Variants in MTMR3 observed in about 807,000 individuals in gnomAD.
The protein encoded by MTMR3 is myotubularin related protein 3, also known as phosphatidylinositol-3,5-bisphosphate 3-phosphatase MTMR3.
MTMR3 carries 32 observed loss-of-function variants against 132.4 expected under a neutral mutation model. The ratio of observed to expected loss-of-function variants is 0.24; its 90% CI spans 0.18 to 0.32. The LOEUF is 0.32. MTMR3 is among the 10% of genes least tolerant of loss of function. The pLI is 1.00. For missense variants in MTMR3, 1,216 were observed against 1,489.6 expected (o/e 0.82, Z 3.02); for synonymous variants, 556 against 550.3 (o/e 1.01, Z -0.14).
At chr22:30,003,157 A>T in intron 9 of MTMR3, 164 bp downstream of exon 9, 1 of 571,806 alleles carries the variant, frequency 1.7e-6, no homozygotes, top group Non-Finnish European at 3.1e-6. Flanking sequence ...CCAGTAACAC[A>T]TCAGTACTGA....
chr22:29,938,301 C>T (rs1470696539), intron 1 of MTMR3, among the ~76,000 whole-genome samples: 1 of 152,206 alleles, frequency 6.6e-6, no homozygotes, highest in East Asian at 1.9e-4. Context: ...TTGGTACAAC[C>T]TTCTCTTGAG....
chr22:29,965,663 C>T (rs536983503), intron 2 of MTMR3, among the ~76,000 whole-genome samples: 7 of 152,172 alleles, frequency 4.6e-5, no homozygotes, highest in South Asian at 2.1e-4. Flanking sequence ...CCAGCCTGAG[C>T]GATAGAGCGA....
At chr22:30,025,530 C>T (rs960101761) in intron 19 of MTMR3, 100 bp from the exon 20 acceptor site, 13 of 1,263,128 alleles carry the variant, frequency 1.0e-5, no homozygotes, top group Non-Finnish European at 1.5e-5. Context: ...AGCTCCAGCA[C>T]ATGCAAATTA....
At chr22:29,904,042 G>A (rs79407995) in intron 1 of MTMR3, among the ~76,000 whole-genome samples, 3 of 152,262 alleles carry the variant, frequency 2.0e-5, no homozygotes, top group African/African-American at 7.2e-5. Flanking sequence ...CAGGTTAACC[G>A]TTGGTCTTCT....
At chr22:30,021,796 G>A (rs1409580420) in intron 17 of MTMR3, 1 of 490,242 alleles carries the variant, frequency 2.0e-6, no homozygotes, top group Non-Finnish European at 3.6e-6. Context: ...CTGAGGGCCT[G>A]TTTTTCTACT....
intron 1 of MTMR3, among the ~76,000 whole-genome samples, chr22:29,922,767 C>T (rs996635045): frequency 6.6e-6 from 1 of 151,920 alleles, no homozygotes; most frequent in Non-Finnish European, 1.5e-5. Context: ...TACATTCCTA[C>T]CAGCAATGCA....
chr22:29,964,783 A>G (rs752176642), intron 2 of MTMR3, among the ~76,000 whole-genome samples: 16 of 152,194 alleles, frequency 1.1e-4, no homozygotes, highest in Non-Finnish European at 2.1e-4. Flanking sequence ...TGATCTTAAA[A>G]TCAAATCACG....
chr22:29,935,714 A>C (rs1194660498), intron 1 of MTMR3, among the ~76,000 whole-genome samples: 2 of 149,092 alleles, frequency 1.3e-5, no homozygotes, highest in Non-Finnish European at 3.0e-5. Flanking sequence ...TTACTGTCTG[A>C]TTGAATGATC....
At chr22:29,920,213 C>CA (rs11404982) in intron 1 of MTMR3, among the ~76,000 whole-genome samples, 51,193 of 131,910 alleles carry the variant, frequency 0.39, 9,617 homozygotes, top group East Asian at 0.72. Context: ...GACTCTGTCT[C>CA]AAAAAAAAAA....
In MTMR3 at chr22:30,020,337, C is replaced by A. The variant is rs2067712888; in HGVS notation, c.2678C>A (p.Pro893His). ...TCAGAGACAAGCCTGGTCGAGAGGC[C>A]CCAAGTGGGGTCTGTGGTGCATAGG... ...SPSETSLVER[P>H]QVGSVVHRTS... Residue 893 changes from proline to histidine, a missense_variant, in exon 17 of 20, where the codon CCC becomes CAC. Physicochemically the swap from Pro to His is moderately conservative, Grantham distance 77. Transcript: ENST00000401950. The A allele has an allele frequency of 1.9e-5, 31 of 1,614,180 alleles. No homozygotes were observed. The highest frequency in any genetic ancestry group is 2.6e-5 in the Non-Finnish European group (31 of 1,180,036).
intron 19 of MTMR3, chr22:30,023,197 C>T: frequency 1.9e-6 from 1 of 520,514 alleles, no homozygotes; most frequent in Non-Finnish European, 3.5e-6. Flanking sequence ...CTTTTTCCTT[C>T]TGGGTTAGGG....
Position 29,991,572 on chromosome 22 carries a change from C to T in MTMR3, c.362C>T (p.Pro121Leu), listed in dbSNP as rs775041433. 1 of 1,614,116 alleles carries T rather than the reference C, an allele frequency of 6.2e-7. No individual in the cohort carries two copies. Among genetic ancestry groups the T allele is most frequent in the Admixed American group, 1.7e-5 (1 of 60,028 alleles). The stretch of plus-strand genomic sequence containing the variant: ...AGACTGAACAACGCAATCCGACCAC[C>T]TGCTAAAATAGAAGATCTCTTCTCA... ...LKRLNNAIRP[P>L]AKIEDLFSFA... Residue 121 changes from proline (P) to leucine (L), a missense_variant, in exon 7 of 20, where the codon CCT becomes CTT. Physicochemically the swap from Pro to Leu is moderately conservative, Grantham distance 98. Transcript: ENST00000401950.
At chr22:29,993,857 C>T (rs5763681) in intron 7 of MTMR3, 9,006 of 152,234 alleles carry the variant, frequency 0.059, 501 homozygotes, top group South Asian at 0.24. Context: ...ACAGTGTTCT[C>T]TGTCTTTTCG....
intron 1 of MTMR3, among the ~76,000 whole-genome samples, chr22:29,912,787 AC>A (rs1359558554): frequency 6.6e-6 from 1 of 152,130 alleles, no homozygotes; most frequent in East Asian, 1.9e-4. Flanking sequence ...CCCAAAATAA[AC>A]TTGACCATTG....
rs1265500104 is a variant in MTMR3 at position 30,016,675 on chromosome 22, C to T, written c.1651C>T (p.Leu551=). The T allele has an allele frequency of 6.2e-7, 1 of 1,613,646 alleles. No homozygotes were observed. Among genetic ancestry groups the T allele is most frequent in the Admixed American group, 1.7e-5 (1 of 59,966 alleles). The change falls in exon 15 of 20, where the codon CTG becomes TTG. Residue 551 remains leucine, a synonymous_variant. Coordinates refer to ENST00000401950, the MANE Select transcript of MTMR3 (RefSeq NM_021090.4). ...AGGCAACAAGGCTTTCAAAAACCTACTGTATTCCTCTCAGTCAGAAGCCGT... is the reference window on the plus strand; with the variant it reads ...AGGCAACAAGGCTTTCAAAAACCTATTGTATTCCTCTCAGTCAGAAGCCGT... ...RAGNKAFKNL[L]YSSQSEAVLY...
At chr22:30,014,502 C>CTTTTTTTTT (rs56934428) in intron 14 of MTMR3, 4 of 78,812 alleles carry the variant, frequency 5.1e-5, no homozygotes, top group East Asian at 4.6e-4. Flanking sequence ...CCCTCCAGTT[C>CTTTTTTTTT]TTTTTTTTTT....
chr22:29,959,324 G>C (rs2066262031), intron 2 of MTMR3, among the ~76,000 whole-genome samples: 1 of 152,034 alleles, frequency 6.6e-6, no homozygotes, highest in South Asian at 2.1e-4. Flanking sequence ...CCAGGGGGGT[G>C]GGGGAGTGTT....
chr22:29,901,220 A>T (rs2064997621), intron 1 of MTMR3, among the ~76,000 whole-genome samples: 1 of 151,752 alleles, frequency 6.6e-6, no homozygotes, highest in South Asian at 2.1e-4. Context: ...TTCTCCTAAA[A>T]TGACTAGGAT....
chr22:29,964,208 A>G (rs995772015), intron 2 of MTMR3, among the ~76,000 whole-genome samples: 1 of 152,168 alleles, frequency 6.6e-6, no homozygotes, highest in Non-Finnish European at 1.5e-5. Context: ...TAATGACTCA[A>G]TTTCTTCCTT....
Sources: gnomAD v4.1 joint callset for allele counts (sites outside exome capture counted in the v4.1 genomes callset) on GRCh38, gnomAD v4.1.1 for gene constraint, MANE v1.5 for transcripts, NCBI Gene and HGNC (gene_info 2026-07-23, HGNC 2026-07-21) for gene names.